Variants in TMTC2 observed in about 807,000 individuals in gnomAD.
The protein encoded by TMTC2 is protein O-mannosyl-transferase TMTC2.
A neutral mutation model predicts 82.4 loss-of-function variants in TMTC2; 43 were observed. That is an observed-to-expected ratio of 0.52 (90% CI 0.41 to 0.67). The LOEUF (loss-of-function observed/expected upper bound fraction) is 0.67, where lower values mean the gene tolerates loss of function less well. Among genes scored for constraint, TMTC2 ranks in the 30% least tolerant of loss-of-function variants. TMTC2 has a pLI of 0.00. For missense variants in TMTC2, 919 were observed against 1,012.4 expected, an observed-to-expected ratio of 0.91 and a Z score of 1.25; for synonymous variants, 408 against 381.9, an observed-to-expected ratio of 1.07 and a Z score of -0.80.
chr12:82,980,713 A>G (rs1565837740), intron 7 of TMTC2, among the ~76,000 whole-genome samples: 1 of 151,774 alleles, frequency 6.6e-6, no homozygotes, highest in Non-Finnish European at 1.5e-5. Flanking sequence ...AACGTGTATA[A>G]TTTTTTGAGT....
chr12:82,914,169 C>T (rs978111734), intron 3 of TMTC2, among the ~76,000 whole-genome samples: 3 of 152,132 alleles, frequency 2.0e-5, no homozygotes, highest in African/African-American at 4.8e-5. Context: ...TAAAATGATA[C>T]GTGCCCAAGA....
Position 83,090,835 on chromosome 12 carries a change from A to G in TMTC2, c.2331+29004A>G, listed in dbSNP as rs572456763. Among the ~76,000 whole-genome samples the G allele has an allele frequency of 2.0e-5, 3 of 152,354 alleles. No homozygotes were observed. The South Asian group carries it at 6.2e-4, about 32-fold the overall frequency. On this transcript the variant is annotated intron_variant, in intron 11 of 11. Coordinates refer to ENST00000321196, the MANE Select transcript of TMTC2 (RefSeq NM_152588.3). ...TTCCTCTTACACCAGCACTCCAGAC[A>G]TTGAACTGTTCATAAATCAACAAAT...
intron 2 of TMTC2, among the ~76,000 whole-genome samples, chr12:82,875,011 G>A (rs1253252859): frequency 2.0e-5 from 3 of 152,010 alleles, no homozygotes; most frequent in Non-Finnish European, 4.4e-5. Context: ...TCTCTGTAAA[G>A]GCCAGATAGT....
intron 1 of TMTC2, among the ~76,000 whole-genome samples, chr12:82,835,284 C>CTA (rs1213266846): frequency 2.0e-5 from 3 of 152,182 alleles, no homozygotes; most frequent in Non-Finnish European, 4.4e-5. Context: ...ATTGTAGACA[C>CTA]TATAGCTTTT....
At chr12:82,724,485 A>G (rs1269599956) in intron 1 of TMTC2, among the ~76,000 whole-genome samples, 1 of 152,150 alleles carries the variant, frequency 6.6e-6, no homozygotes, top group African/African-American at 2.4e-5. Flanking sequence ...ATGGTTTAAA[A>G]GTGGCAGTTC....
At chr12:82,961,767 A>G (rs1248362790) in intron 4 of TMTC2, among the ~76,000 whole-genome samples, 1 of 151,998 alleles carries the variant, frequency 6.6e-6, no homozygotes, top group Non-Finnish European at 1.5e-5. Flanking sequence ...GTCCTCCAGT[A>G]CAGTAATTTT....
intron 8 of TMTC2, among the ~76,000 whole-genome samples, chr12:83,009,790 T>C (rs1266328133): frequency 1.3e-5 from 2 of 152,134 alleles, no homozygotes; most frequent in African/African-American, 2.4e-5. Flanking sequence ...TGGAAGACAA[T>C]GTTTCCATGG....
chr12:82,687,339 C>G lies in TMTC2; in HGVS notation c.-248C>G. On this transcript the variant is annotated 5_prime_UTR_variant, in exon 1 of 12. Coordinates refer to ENST00000321196, the MANE Select transcript of TMTC2 (RefSeq NM_152588.3). ...GAGCCCAAACGCCGCTCACCGCTTG[C>G]GGGCGCCGGGCATGGGGAGTGTGGT... 1.8e-6 allele frequency: 1 copy of G among 544,224 alleles called. No individual in the cohort carries two copies. Among genetic ancestry groups the G allele is most frequent in the Non-Finnish European group, 3.3e-6 (1 of 302,874 alleles). The allele number at this position is 544,224 out of a possible 1,614,324, so 33.7% of individuals were successfully genotyped here.
intron 8 of TMTC2, among the ~76,000 whole-genome samples, chr12:83,010,257 A>C (rs145784534): frequency 6.6e-6 from 1 of 152,342 alleles, no homozygotes; most frequent in African/African-American, 2.4e-5. Flanking sequence ...TTGAATAAAC[A>C]TAGAGATTGA....
intron 8 of TMTC2, among the ~76,000 whole-genome samples, chr12:83,001,505 C>T (rs188475509): frequency 8.0e-4 from 121 of 151,696 alleles, no homozygotes; most frequent in African/African-American, 2.8e-3. Flanking sequence ...CTTGGTGGCG[C>T]ATGCTTGTAA....
At chr12:82,748,767 C>T (rs1875820539) in intron 1 of TMTC2, among the ~76,000 whole-genome samples, 1 of 152,156 alleles carries the variant, frequency 6.6e-6, no homozygotes, top group South Asian at 2.1e-4. Flanking sequence ...ATCCCAGCTA[C>T]TTGTGAGGCT....
chr12:82,840,031 C>A (rs982745877), intron 1 of TMTC2, among the ~76,000 whole-genome samples: 1 of 152,118 alleles, frequency 6.6e-6, no homozygotes, highest in African/African-American at 2.4e-5. Flanking sequence ...ATAAATGATA[C>A]CAGTAACTGC....
intron 1 of TMTC2, among the ~76,000 whole-genome samples, chr12:82,840,219 CA>C (rs1870260209): frequency 6.6e-6 from 1 of 152,186 alleles, no homozygotes; most frequent in Non-Finnish European, 1.5e-5. Flanking sequence ...TCACCATAAA[CA>C]ACATTTTTTA....
At chr12:83,100,664 A>G (rs1884188154) in intron 11 of TMTC2, among the ~76,000 whole-genome samples, 1 of 152,128 alleles carries the variant, frequency 6.6e-6, no homozygotes, top group East Asian at 1.9e-4. Context: ...CTGTCTGATC[A>G]ACGTAAAATT....
At chr12:82,893,882 C>T (rs957492628) in intron 2 of TMTC2, among the ~76,000 whole-genome samples, 1 of 152,082 alleles carries the variant, frequency 6.6e-6, no homozygotes, top group African/African-American at 2.4e-5. Context: ...AGGACAGGGT[C>T]ACCAGTTAGG....
intron 10 of TMTC2, among the ~76,000 whole-genome samples, chr12:83,054,624 TATG>T (rs1171934002): frequency 6.6e-6 from 1 of 150,754 alleles, no homozygotes; most frequent in Non-Finnish European, 1.5e-5. Context: ...ATAGTATACA[TATG>T]ATAGTTTTAT....
chr12:82,754,093 A>G (rs1357701124), intron 1 of TMTC2, among the ~76,000 whole-genome samples: 2 of 152,226 alleles, frequency 1.3e-5, no homozygotes, highest in African/African-American at 4.8e-5. Context: ...CAAAGAAATG[A>G]TATCTACTAA....
chr12:82,793,700 TG>T (rs1878571273), intron 1 of TMTC2, among the ~76,000 whole-genome samples: 2 of 152,072 alleles, frequency 1.3e-5, no homozygotes, highest in African/African-American at 4.8e-5. Context: ...CTATATGGTA[TG>T]GGGGTGGGAA....
intron 11 of TMTC2, among the ~76,000 whole-genome samples, chr12:83,122,325 A>G (rs117853166): frequency 0.037 from 5,492 of 150,066 alleles, 169 homozygotes; most frequent in Non-Finnish European, 0.054. Flanking sequence ...TCCTCCCCCA[A>G]GTTCTGGCCA....
Sources: allele counts gnomAD v4.1 joint callset (sites outside exome capture counted in the v4.1 genomes callset), GRCh38; gene constraint gnomAD v4.1.1; transcripts MANE v1.5; gene names NCBI Gene and HGNC (gene_info 2026-07-23, HGNC 2026-07-21).